Variants in GLP1R observed in about 807,000 individuals in gnomAD.
GLP1R encodes the protein glucagon like peptide 1 receptor.
A neutral mutation model predicts 68.4 loss-of-function variants in GLP1R; 32 were observed. The ratio of observed to expected loss-of-function variants is 0.47; its 90% CI spans 0.35 to 0.63. The LOEUF is 0.63. Among genes scored for constraint, GLP1R ranks in the 20% least tolerant of loss-of-function variants. The pLI is 0.00. For missense variants in GLP1R, 502 were observed against 594.9 expected (o/e 0.84, Z 1.62); for synonymous variants, 263 against 244.4 (o/e 1.08, Z -0.71).
chr6:39,053,887 A>T, intron 1 of GLP1R, among the ~76,000 whole-genome samples: 1 of 150,554 alleles, frequency 6.6e-6, no homozygotes, highest in East Asian at 1.9e-4. Flanking sequence ...GCCCACCACC[A>T]CTCTCTCCCT....
chr6:39,066,533 A>G (rs1768523628), intron 5 of GLP1R, among the ~76,000 whole-genome samples: 1 of 152,224 alleles, frequency 6.6e-6, no homozygotes. Flanking sequence ...ACTGCAAAAA[A>G]GAACAAAAAT....
chr6:39,048,849 C>T lies in GLP1R; in HGVS notation c.9C>T (p.Gly3=). The change falls in exon 1 of 13, where the codon GGC becomes GGT. Residue 3 remains glycine, a synonymous_variant. Coordinates refer to ENST00000373256, the MANE Select transcript of GLP1R (RefSeq NM_002062.5). ...GTCCTGAACTCCCCGCCATGGCCGG[C>T]GCCCCCGGCCCGCTGCGCCTTGCGC... MA[G]APGPLRLALL... The T allele has an allele frequency of 6.8e-7, 1 of 1,472,784 alleles. No homozygotes were observed. The highest frequency in any genetic ancestry group is 2.0e-5 in the Admixed American group (1 of 49,906). 91.2% of individuals were successfully genotyped at this position (1,472,784 alleles called of 1,614,324 possible).
In GLP1R at chr6:39,072,849, C is replaced by T. The variant is rs1768711954; in HGVS notation, c.510-13C>T. ...GCTGCCTTGCCAGGGAAAGGCCCTG[C>T]TTTCTCCCTCAGACACCTGCACTGC... is the stretch of plus-strand genomic sequence containing the variant. On this transcript the variant is annotated splice_polypyrimidine_tract_variant and intron_variant, in intron 5 of 12. Coordinates refer to ENST00000373256, the MANE Select transcript of GLP1R (RefSeq NM_002062.5). 1.9e-6 allele frequency: 3 copies of T among 1,611,040 alleles called. No individual in the cohort carries two copies. The highest frequency in any genetic ancestry group is 2.2e-5 in the South Asian group (2 of 90,534).
chr6:39,050,188 T>C (rs1408052359), intron 1 of GLP1R, among the ~76,000 whole-genome samples: 3 of 152,054 alleles, frequency 2.0e-5, no homozygotes, highest in Non-Finnish European at 4.4e-5. Flanking sequence ...CCAAGACACC[T>C]TCCTCACAGC....
chr6:39,063,956 CACACA>C (rs1768427256), intron 3 of GLP1R, among the ~76,000 whole-genome samples: 5 of 129,550 alleles, frequency 3.9e-5, no homozygotes, highest in African/African-American at 1.6e-4. Flanking sequence ...CACACACACA[CACACA>C]CCCCACATTA....
chr6:39,078,703 G>T (rs1015298998), intron 8 of GLP1R, among the ~76,000 whole-genome samples: 1 of 152,170 alleles, frequency 6.6e-6, no homozygotes, highest in Non-Finnish European at 1.5e-5. Flanking sequence ...TGTGTTGGTA[G>T]GTCCTTGAAA....
Position 39,078,377 on chromosome 6 carries a change from C to A in GLP1R, c.879C>A (p.Asp293Glu). ...PWGIVKYLYEDEGCWTRNSNM... is the reference protein window; with the variant it reads ...PWGIVKYLYEEEGCWTRNSNM... ...GCATTGTCAAGTACCTCTATGAGGA[C>A]GAGGGGTGAGTGTCCTGCTCCAAGG... The change falls in exon 8 of 13, where the codon GAC becomes GAA. Residue 293 changes from aspartate (D) to glutamate (E), a missense_variant. Transcript: ENST00000373256. The A allele has an allele frequency of 6.2e-7, 1 of 1,609,016 alleles. No individual in the cohort carries two copies. The highest frequency in any genetic ancestry group is 8.5e-7 in the Non-Finnish European group (1 of 1,175,438).
At chr6:39,085,278 C>A (rs955830540) in intron 12 of GLP1R, among the ~76,000 whole-genome samples, 1 of 152,240 alleles carries the variant, frequency 6.6e-6, no homozygotes, top group Non-Finnish European at 1.5e-5. Context: ...GCTGACTGAG[C>A]TCCCCTGGGC....
At position 39,085,766 on chromosome 6, in the gene GLP1R, A is replaced by T. The variant is rs10305508; in HGVS notation, c.1225-140A>T. On this transcript the variant is annotated intron_variant, in intron 12 of 12. Transcript: ENST00000373256. ...AACAATTTTATTGGGATATTAATTT[A>T]GGAGCCCGAAGGCCTTGACTTGTGT... The T allele has an allele frequency of 4.2e-4, 313 of 749,862 alleles. 2 individuals carry two copies. The African/African-American group carries it at 5.0e-3, about 12-fold the overall frequency. 46.5% of individuals were successfully genotyped at this position (749,862 alleles called of 1,614,324 possible).
At chr6:39,066,084 C>A in intron 4 of GLP1R, 113 bp from the exon 5 acceptor site, 1 of 640,762 alleles carries the variant, frequency 1.6e-6, no homozygotes, top group Non-Finnish European at 2.8e-6. Flanking sequence ...TCTTGGTATC[C>A]CCGGTGAGTC....
chr6:39,062,537 C>G (rs1768378483), intron 3 of GLP1R, among the ~76,000 whole-genome samples: 1 of 152,238 alleles, frequency 6.6e-6, no homozygotes, highest in Non-Finnish European at 1.5e-5. Flanking sequence ...CACACACCAC[C>G]TCCCCACCCT....
chr6:39,073,948 G>GTCCTCCCCTCCTCTGCATAACTC (rs1768743754), intron 7 of GLP1R, among the ~76,000 whole-genome samples, 179 bp downstream of exon 7: 1 of 152,140 alleles, frequency 6.6e-6, no homozygotes, highest in African/African-American at 2.4e-5. Context: ...GGGGGTTATG[G>GTCCTCCCCTCCTCTGCATAACTC]TCCTCCCCTC....
At chr6:39,078,932 T>G in intron 8 of GLP1R, 25 bp from the exon 9 acceptor site, 1 of 1,590,040 alleles carries the variant, frequency 6.3e-7, no homozygotes, top group Non-Finnish European at 8.6e-7. Flanking sequence ...GCTGGATGCA[T>G]GTGTGCATCT....
chr6:39,058,787 T>C (rs1768282754), intron 3 of GLP1R, among the ~76,000 whole-genome samples: 1 of 152,192 alleles, frequency 6.6e-6, no homozygotes, highest in Non-Finnish European at 1.5e-5. Context: ...GCTGTACAGA[T>C]GAGGAAACTG....
intron 12 of GLP1R, among the ~76,000 whole-genome samples, chr6:39,082,432 G>T (rs1309734658): frequency 2.6e-5 from 4 of 152,178 alleles, no homozygotes; most frequent in Admixed American, 6.5e-5. Context: ...GGAAGCAGGT[G>T]CTGGGGAGGT....
intron 8 of GLP1R, among the ~76,000 whole-genome samples, 156 bp downstream of exon 8, chr6:39,078,538 C>A (rs1194047482): frequency 4.6e-5 from 7 of 151,858 alleles, no homozygotes; most frequent in Non-Finnish European, 1.0e-4. Context: ...CCCCTCCCTG[C>A]CCCTGCCCCT....
chr6:39,063,248 G>C (rs1014706779), intron 3 of GLP1R, among the ~76,000 whole-genome samples: 1 of 152,138 alleles, frequency 6.6e-6, no homozygotes, highest in Non-Finnish European at 1.5e-5. Flanking sequence ...ACTGCTTTTG[G>C]GGGTATCTAC....
chr6:39,066,211 GC>G lies in GLP1R; in HGVS notation c.418del (p.Gln140SerfsTer42). 1 of 1,600,532 alleles carries G rather than the reference GC, an allele frequency of 6.2e-7. No individual in the cohort carries two copies. The highest frequency in any genetic ancestry group is 1.7e-5 in the Admixed American group (1 of 59,948). On this transcript the variant is annotated frameshift_variant, in exon 5 of 13. Coordinates refer to ENST00000373256, the MANE Select transcript of GLP1R (RefSeq NM_002062.5). LOFTEE classifies it high-confidence loss of function. ...GTGTGCCACAGAGCTCCCCGGAGGA[GC>G]AGCTCCTGTTCCTCTACATCATCTA... is the stretch of plus-strand genomic sequence containing the variant. ...KRGERSSPEE[Q>X]LLFLYIIYTV...
At chr6:39,055,724 G>GATTT (rs112730162) in intron 1 of GLP1R, among the ~76,000 whole-genome samples, 1 of 151,292 alleles carries the variant, frequency 6.6e-6, no homozygotes, top group African/African-American at 2.5e-5. Context: ...CACGGGGAGG[G>GATTT]GGTGGGGGGT....
Sources: allele counts gnomAD v4.1 joint callset (sites outside exome capture counted in the v4.1 genomes callset), GRCh38; gene constraint gnomAD v4.1.1; transcripts MANE v1.5; gene names NCBI Gene and HGNC (gene_info 2026-07-23, HGNC 2026-07-21).